The following PAX8 variants were observed in gnomAD, a reference collection of about 807,000 sequenced individuals.
The protein encoded by PAX8 is paired box 8.
Under a neutral mutation model 52.4 loss-of-function variants are expected in PAX8, and 15 were observed. That is an observed-to-expected ratio of 0.29 (90% confidence interval 0.19 to 0.44). The LOEUF is 0.44. Ranked by LOEUF, PAX8 falls within the 20% of genes least tolerant of loss-of-function variation. The pLI is 1.00. For synonymous variants in PAX8, 284 were observed against 249.7 expected, an observed-to-expected ratio of 1.14 and a Z score of -1.29; for missense variants, 554 against 602.5, an observed-to-expected ratio of 0.92 and a Z score of 0.84.
rs143790781 is a variant in PAX8 at position 113,234,216 on chromosome 2, T to A, written c.1087+1178A>T. Among the ~76,000 whole-genome samples the A allele has an allele frequency of 5.2e-3, 789 of 152,340 alleles. 10 individuals carry two copies. Among genetic ancestry groups the A allele is most frequent in the African/African-American group, 0.018 (753 of 41,588 alleles). ...AAGCCCTTGAGGTATCTGAAGACCATATGGGTCTCTGCTTCCCACTTTCAC... is the reference window on the plus strand; with the variant it reads ...AAGCCCTTGAGGTATCTGAAGACCAAATGGGTCTCTGCTTCCCACTTTCAC... On this transcript the variant is annotated intron_variant, in intron 9 of 11. Coordinates refer to ENST00000429538, the MANE Select transcript of PAX8 (RefSeq NM_003466.4).
chr2:113,243,159 C>A (rs1011370587), intron 4 of PAX8, among the ~76,000 whole-genome samples: 1 of 152,206 alleles, frequency 6.6e-6, no homozygotes, highest in Non-Finnish European at 1.5e-5. Context: ...CACTCAGTGG[C>A]CCACGCCCAT....
chr2:113,227,761 A>G (rs543307311), intron 9 of PAX8, among the ~76,000 whole-genome samples: 1 of 151,980 alleles, frequency 6.6e-6, no homozygotes, highest in East Asian at 1.9e-4. Flanking sequence ...ACTCATCACT[A>G]TTTTTTGGGG....
chr2:113,244,373 TTCC>T, intron 4 of PAX8, 51 bp downstream of exon 4: 2 of 1,381,408 alleles, frequency 1.4e-6, no homozygotes, highest in Non-Finnish European at 1.0e-6. Flanking sequence ...CTTTCCTGAT[TTCC>T]CCAAAGCCCA....
intron 2 of PAX8, among the ~76,000 whole-genome samples, chr2:113,247,952 T>G (rs1206674120): frequency 6.6e-6 from 1 of 152,150 alleles, no homozygotes; most frequent in Admixed American, 6.5e-5. Context: ...GGAACTTGAC[T>G]TGGCTCAAGG....
intron 4 of PAX8, among the ~76,000 whole-genome samples, chr2:113,243,679 A>T (rs1691067885): frequency 6.6e-6 from 1 of 152,226 alleles, no homozygotes; most frequent in Admixed American, 6.5e-5. Flanking sequence ...GGCATGAGCC[A>T]CTGCACCTGG....
intron 2 of PAX8, among the ~76,000 whole-genome samples, chr2:113,252,028 C>A (rs1691811317): frequency 6.6e-6 from 1 of 152,194 alleles, no homozygotes; most frequent in Non-Finnish European, 1.5e-5. Context: ...CATGGTGGGA[C>A]CCCCAAATCC....
At chr2:113,234,974 T>C (rs1236685373) in intron 9 of PAX8, among the ~76,000 whole-genome samples, 3 of 152,242 alleles carry the variant, frequency 2.0e-5, no homozygotes, top group Admixed American at 2.0e-4. Context: ...GATAGCTGCA[T>C]CATGGAAACA....
chr2:113,277,819 G>T (rs1295789616), intron 2 of PAX8, among the ~76,000 whole-genome samples: 1 of 152,162 alleles, frequency 6.6e-6, no homozygotes, highest in Non-Finnish European at 1.5e-5. Context: ...CGCCCGGCCT[G>T]CCCGGTGCTG....
At chr2:113,232,892 C>T (rs1294992342) in intron 9 of PAX8, among the ~76,000 whole-genome samples, 2 of 152,144 alleles carry the variant, frequency 1.3e-5, no homozygotes, top group African/African-American at 4.8e-5. Context: ...TGCTCCCCAT[C>T]ATCATGGGCA....
intron 8 of PAX8, chr2:113,235,817 T>C (rs1159582888): frequency 7.6e-6 from 4 of 523,564 alleles, no homozygotes; most frequent in Non-Finnish European, 1.4e-5. Context: ...CCGGAAGGCG[T>C]GTGTGCGCCC....
chr2:113,234,444 G>C (rs898138810), intron 9 of PAX8, among the ~76,000 whole-genome samples: 3 of 152,236 alleles, frequency 2.0e-5, no homozygotes, highest in Non-Finnish European at 4.4e-5. Context: ...TCCTCCCTGG[G>C]CCAGGTTCCT....
intron 10 of PAX8, among the ~76,000 whole-genome samples, chr2:113,220,729 G>C (rs1689230153): frequency 6.6e-6 from 1 of 152,128 alleles, no homozygotes; most frequent in Non-Finnish European, 1.5e-5. Context: ...TGCATGGGGG[G>C]CTGAGGGGAG....
rs777016495 is a variant in PAX8 at position 113,220,143 on chromosome 2, G to A, written c.1225C>T (p.Pro409Ser). The change falls in exon 11 of 12, where the codon CCC becomes TCC. Residue 409 changes from proline (P) to serine (S), a missense_variant. This residue lies in a region of PAX8 where 445 missense variants were observed against 409.9 expected (regional missense o/e 1.09). Coordinates refer to ENST00000429538, the MANE Select transcript of PAX8 (RefSeq NM_003466.4). ...CAGGCCTCGCTGTAGGAGGAGTAGG[G>A]GGTGTGGCCATAGGCATTGCCAGAG... The part of the protein sequence containing the change: ...EYSGNAYGHT[P>S]YSSYSEAWRF... 5.0e-6 allele frequency: 8 copies of A among 1,613,934 alleles called. No individual in the cohort carries two copies. The highest frequency in any genetic ancestry group is 1.1e-5 in the South Asian group (1 of 91,082).
chr2:113,234,813 C>T (rs956054212), intron 9 of PAX8, among the ~76,000 whole-genome samples: 5 of 152,342 alleles, frequency 3.3e-5, no homozygotes, highest in Admixed American at 6.5e-5. Flanking sequence ...CCACCTCGCC[C>T]GGTCGGTGCT....
intron 2 of PAX8, among the ~76,000 whole-genome samples, chr2:113,247,284 G>A (rs1040871410): frequency 5.9e-5 from 9 of 152,298 alleles, no homozygotes; most frequent in Non-Finnish European, 1.2e-4. Flanking sequence ...ATACTGAGCC[G>A]TTTGACCTTG....
At chr2:113,242,154 G>A (rs532775217) in intron 5 of PAX8, 24 bp from the exon 6 acceptor site, 35 of 1,606,780 alleles carry the variant, frequency 2.2e-5, no homozygotes, top group Admixed American at 8.4e-5. Context: ...GAGGGAGAGG[G>A]TCAGGGGTGG....
At chr2:113,276,346 A>G (rs769910903) in intron 2 of PAX8, 3 of 152,224 alleles carry the variant, frequency 2.0e-5, no homozygotes, top group Non-Finnish European at 2.9e-5. Flanking sequence ...AAATTAAACT[A>G]TGAGAAGAAA....
intron 3 of PAX8, among the ~76,000 whole-genome samples, chr2:113,245,210 C>T (rs1363491831): frequency 1.3e-5 from 2 of 152,052 alleles, no homozygotes; most frequent in Non-Finnish European, 2.9e-5. Flanking sequence ...CCACACCCGG[C>T]TAATTTTTGC....
chr2:113,240,165 GC>G (rs1558709678), intron 7 of PAX8: 1 of 152,540 alleles, frequency 6.6e-6, no homozygotes. Flanking sequence ...CTTCCTGCAG[GC>G]CCCCCACTGC....
Sources: allele counts gnomAD v4.1 joint callset (sites outside exome capture counted in the v4.1 genomes callset), GRCh38; gene constraint gnomAD v4.1.1; regional missense constraint gnomAD v4.1.1; transcripts MANE v1.5; gene names NCBI Gene and HGNC (gene_info 2026-07-23, HGNC 2026-07-21).